The following SCMH1 variants were observed in gnomAD, a reference collection of about 807,000 sequenced individuals.
SCMH1 encodes polycomb protein SCMH1.
Under a neutral mutation model 70.8 loss-of-function variants are expected in SCMH1, and 37 were observed. The observed-to-expected ratio is 0.52, with a 90% confidence interval of 0.40 to 0.69. The LOEUF (loss-of-function observed/expected upper bound fraction) is 0.69, where lower values mean the gene tolerates loss of function less well. Among genes scored for constraint, SCMH1 ranks in the 30% least tolerant of loss-of-function variants. SCMH1 has a pLI of 0.00. For synonymous variants in SCMH1, 292 were observed against 307.4 expected (o/e 0.95, Z 0.52); for missense variants, 607 against 827.3 (o/e 0.73, Z 3.27).
chr1:41,116,843 A>G (rs761158948), intron 7 of SCMH1, 79 bp downstream of exon 7: 2 of 1,157,976 alleles, frequency 1.7e-6, no homozygotes, highest in African/African-American at 1.6e-5. Context: ...TCTTCAGGCC[A>G]TAAGTAAATG....
chr1:41,084,943 C>T (rs1661163156), intron 8 of SCMH1, among the ~76,000 whole-genome samples: 1 of 130,734 alleles, frequency 7.6e-6, no homozygotes, highest in African/African-American at 3.0e-5. Context: ...CACATGGACA[C>T]AGGAAGGGGA....
At chr1:41,093,485 C>T (rs566853604) in intron 8 of SCMH1, among the ~76,000 whole-genome samples, 7 of 152,024 alleles carry the variant, frequency 4.6e-5, no homozygotes, top group East Asian at 3.9e-4. Flanking sequence ...CAAACCTGCA[C>T]GTTGTGCACG....
intron 8 of SCMH1, among the ~76,000 whole-genome samples, chr1:41,108,626 G>A (rs1443074815): frequency 6.6e-6 from 1 of 152,176 alleles, no homozygotes; most frequent in Non-Finnish European, 1.5e-5. Context: ...CTTGGCCACA[G>A]GAGTTTAGCA....
At chr1:41,067,458 CAAAA>C (rs60607308) in intron 10 of SCMH1, among the ~76,000 whole-genome samples, 83 of 60,244 alleles carry the variant, frequency 1.4e-3, no homozygotes, top group South Asian at 3.2e-3. Context: ...ACAACAACAA[CAAAA>C]AAAAAAAAAA....
intron 10 of SCMH1, among the ~76,000 whole-genome samples, chr1:41,064,855 C>T (rs980180426): frequency 4.0e-5 from 6 of 151,618 alleles, no homozygotes; most frequent in African/African-American, 1.2e-4. Context: ...TTTGAGGCTG[C>T]GGAGAGCTGT....
intron 2 of SCMH1, among the ~76,000 whole-genome samples, chr1:41,184,904 A>G (rs1263534167): frequency 2.0e-5 from 3 of 152,228 alleles, no homozygotes; most frequent in Non-Finnish European, 4.4e-5. Flanking sequence ...GCAACTATCT[A>G]TATCTTATGT....
chr1:41,130,518 T>C (rs1435606077), intron 6 of SCMH1, among the ~76,000 whole-genome samples: 1 of 152,222 alleles, frequency 6.6e-6, no homozygotes, highest in Non-Finnish European at 1.5e-5. Context: ...TGATACATTT[T>C]GAGTTAATTT....
intron 1 of SCMH1, among the ~76,000 whole-genome samples, chr1:41,237,047 T>G (rs1182555302): frequency 1.3e-5 from 2 of 152,240 alleles, no homozygotes; most frequent in Non-Finnish European, 2.9e-5. Flanking sequence ...TGACCAACAT[T>G]ATCTAAAGTA....
At chr1:41,213,142 A>G (rs1174969052) in intron 1 of SCMH1, among the ~76,000 whole-genome samples, 1 of 152,206 alleles carries the variant, frequency 6.6e-6, no homozygotes, top group African/African-American at 2.4e-5. Context: ...GTACAATTTA[A>G]TTACAAATAT....
chr1:41,148,025 T>C (rs1172445644), intron 5 of SCMH1, among the ~76,000 whole-genome samples: 3 of 152,332 alleles, frequency 2.0e-5, no homozygotes, highest in East Asian at 3.9e-4. Flanking sequence ...ATTATTGATA[T>C]AGCTGGGTTT....
At chr1:41,118,617 G>A (rs1671131905) in intron 6 of SCMH1, among the ~76,000 whole-genome samples, 2 of 152,128 alleles carry the variant, frequency 1.3e-5, no homozygotes, top group African/African-American at 4.8e-5. Context: ...ACATTGGAAA[G>A]GATTGTCCTA....
At chr1:41,171,226 A>G (rs935632312) in intron 2 of SCMH1, among the ~76,000 whole-genome samples, 3 of 152,196 alleles carry the variant, frequency 2.0e-5, no homozygotes, top group African/African-American at 7.2e-5. Context: ...GTTGATTACA[A>G]TGGACTGCTT....
At chr1:41,185,455 G>T (rs77768769) in intron 2 of SCMH1, among the ~76,000 whole-genome samples, 1 of 151,988 alleles carries the variant, frequency 6.6e-6, no homozygotes, top group African/African-American at 2.4e-5. Context: ...CCCAAATGCC[G>T]GGATTACAGG....
chr1:41,198,110 C>T (rs922828731), intron 1 of SCMH1, among the ~76,000 whole-genome samples: 2 of 152,134 alleles, frequency 1.3e-5, no homozygotes, highest in African/African-American at 4.8e-5. Flanking sequence ...ATGTCATGAT[C>T]TATTTTCATG....
chr1:41,070,169 A>G (rs1173092477), intron 10 of SCMH1, among the ~76,000 whole-genome samples: 4 of 152,178 alleles, frequency 2.6e-5, no homozygotes, highest in Admixed American at 6.5e-5. Context: ...AGATTTTGCA[A>G]TAAGTCAACC....
At chr1:41,212,804 T>C (rs1413595991) in intron 1 of SCMH1, among the ~76,000 whole-genome samples, 1 of 152,188 alleles carries the variant, frequency 6.6e-6, no homozygotes, top group East Asian at 1.9e-4. Flanking sequence ...ATATGCAGCA[T>C]CATTTTTTTA....
At chr1:41,093,793 C>T (rs1235157958) in intron 8 of SCMH1, among the ~76,000 whole-genome samples, 4 of 152,120 alleles carry the variant, frequency 2.6e-5, no homozygotes, top group South Asian at 2.1e-4. Context: ...TCTTTAAGTA[C>T]GGGGAAGCTG....
At chr1:41,140,239 C>A (rs1375962152) in intron 6 of SCMH1, among the ~76,000 whole-genome samples, 1 of 151,832 alleles carries the variant, frequency 6.6e-6, no homozygotes, top group Non-Finnish European at 1.5e-5. Flanking sequence ...GGTAAAAATA[C>A]CTCTGTCCCT....
chr1:41,201,067 T>A (rs72665626), intron 1 of SCMH1, among the ~76,000 whole-genome samples: 6,278 of 152,284 alleles, frequency 0.041, 220 homozygotes, highest in Non-Finnish European at 0.059. Context: ...AACTATCTCC[T>A]TGGACAAAGA....
Sources: allele counts gnomAD v4.1 joint callset (sites outside exome capture counted in the v4.1 genomes callset), GRCh38; gene constraint gnomAD v4.1.1; transcripts MANE v1.5; gene names NCBI Gene and HGNC (gene_info 2026-07-23, HGNC 2026-07-21).